SYNPO2: variants seen among roughly 807,000 people sequenced by gnomAD.
SYNPO2 encodes the protein synaptopodin-2.
In SYNPO2, 56 loss-of-function variants were observed where a neutral mutation model predicts 85.0. The ratio of observed to expected loss-of-function variants is 0.66; its 90% CI spans 0.53 to 0.82. SYNPO2 has a LOEUF of 0.82. Among genes scored for constraint, SYNPO2 ranks in the 40% least tolerant of loss-of-function variants. The pLI, the probability that SYNPO2 is intolerant of heterozygous loss-of-function variation, is 0.00. For synonymous variants in SYNPO2, 602 were observed against 591.1 expected, an observed-to-expected ratio of 1.02 and a Z score of -0.27; for missense variants, 1,575 against 1,534.2, an observed-to-expected ratio of 1.03 and a Z score of -0.44.
At chr4:118,862,808 T>G (rs1560801591) in intron 1 of SYNPO2, among the ~76,000 whole-genome samples, 2 of 152,076 alleles carry the variant, frequency 1.3e-5, no homozygotes, top group Non-Finnish European at 2.9e-5. Context: ...TTTCTTTCTT[T>G]TTTTTTTCTT....
At chr4:118,988,938 A>C (rs1214499655) in intron 1 of SYNPO2, among the ~76,000 whole-genome samples, 1 of 152,220 alleles carries the variant, frequency 6.6e-6, no homozygotes, top group African/African-American at 2.4e-5. Context: ...CTCTGGAAGA[A>C]CACTCAACTG....
chr4:118,977,325 G>T (rs1276701227), intron 1 of SYNPO2, among the ~76,000 whole-genome samples: 7 of 152,348 alleles, frequency 4.6e-5, no homozygotes, highest in Non-Finnish European at 2.9e-5. Context: ...AGGCCGCAGG[G>T]CTGGCCAGCT....
chr4:118,964,656 C>T (rs1730541970), intron 1 of SYNPO2, among the ~76,000 whole-genome samples: 1 of 152,082 alleles, frequency 6.6e-6, no homozygotes, highest in Admixed American at 6.5e-5. Flanking sequence ...CTCTTCTTCC[C>T]TCCCACTCTT....
chr4:118,961,663 C>A (rs1030623175), intron 1 of SYNPO2, among the ~76,000 whole-genome samples: 1 of 152,114 alleles, frequency 6.6e-6, no homozygotes, highest in African/African-American at 2.4e-5. Context: ...TCTCTAAATT[C>A]GTAAAGCTCT....
At chr4:119,039,062 C>A (rs879525851) in intron 4 of SYNPO2, among the ~76,000 whole-genome samples, 2 of 152,108 alleles carry the variant, frequency 1.3e-5, no homozygotes, top group Non-Finnish European at 2.9e-5. Context: ...ATTTGCAGAG[C>A]TTTATTGACT....
At chr4:118,885,456 T>C (rs180724302), upstream of SYNPO2, among the ~76,000 whole-genome samples, 268 of 149,560 alleles carry the variant, frequency 1.8e-3, 2 homozygotes, top group African/African-American at 6.0e-3. Context: ...ATTTAGAAGT[T>C]AGATCCATAG....
At chr4:119,029,726 A>T in intron 3 of SYNPO2, 119 bp from the exon 4 acceptor site, 1 of 1,101,810 alleles carries the variant, frequency 9.1e-7, no homozygotes, top group Non-Finnish European at 1.2e-6. Flanking sequence ...AAAATTCTGT[A>T]CTCAATGGCA....
intron 1 of SYNPO2, among the ~76,000 whole-genome samples, chr4:118,976,470 A>G (rs543714768): frequency 4.3e-4 from 66 of 152,130 alleles, no homozygotes; most frequent in Non-Finnish European, 8.5e-4. Context: ...AGGGGACCCT[A>G]GCGGGTTGCC....
At chr4:118,868,132 T>C (rs781777845) in intron 1 of SYNPO2, among the ~76,000 whole-genome samples, 1 of 103,494 alleles carries the variant, frequency 9.7e-6, no homozygotes, top group Non-Finnish European at 2.0e-5. Context: ...GTGCAATGGT[T>C]CTGTTGAATT....
At chr4:119,051,495 A>G (rs1357365792) in intron 4 of SYNPO2, among the ~76,000 whole-genome samples, 1 of 152,114 alleles carries the variant, frequency 6.6e-6, no homozygotes, top group East Asian at 1.9e-4. Context: ...CCGGCCGGGA[A>G]GCAATGTTTG....
intron 1 of SYNPO2, among the ~76,000 whole-genome samples, chr4:119,007,069 A>G (rs187056239): frequency 6.6e-6 from 1 of 150,804 alleles, no homozygotes; most frequent in East Asian, 1.9e-4. Context: ...GTAGAAAGAC[A>G]TGATCTCTAA....
At position 119,030,595 on chromosome 4, in the gene SYNPO2, G is replaced by A. The variant is rs771653503; in HGVS notation, c.1820G>A (p.Arg607Gln). The A allele has an allele frequency of 5.6e-6, 9 of 1,613,886 alleles. No individual in the cohort carries two copies. The highest frequency in any genetic ancestry group is 3.3e-5 in the South Asian group (3 of 91,072). The change falls in exon 4 of 5, where the codon CGA becomes CAA. Residue 607 changes from arginine to glutamine, a missense_variant. Physicochemically the swap from Arg to Gln is conservative, Grantham distance 43 (BLOSUM62 1). This residue lies in a region of SYNPO2 where 1,508 missense variants were observed against 1,446.8 expected (regional missense o/e 1.04). Transcript: ENST00000307142. ...NQPATPFSPT[R>Q]NMTSPIADFP... ...CCAGCTACCCCCTTCTCGCCAACCC[G>A]AAACATGACGAGTCCCATTGCTGAC... is the stretch of plus-strand genomic sequence containing the variant.
intron 1 of SYNPO2, among the ~76,000 whole-genome samples, chr4:118,891,129 T>C (rs1010866756): frequency 2.6e-5 from 4 of 152,130 alleles, no homozygotes; most frequent in Admixed American, 1.3e-4. Flanking sequence ...GTAAGGTTGT[T>C]AGGCTATGTC....
intron 1 of SYNPO2, among the ~76,000 whole-genome samples, chr4:119,023,001 C>T (rs964769116): frequency 4.6e-5 from 7 of 151,684 alleles, no homozygotes; most frequent in African/African-American, 9.7e-5. Flanking sequence ...TGGTCTCGAA[C>T]TCCTGACCTC....
intron 1 of SYNPO2, among the ~76,000 whole-genome samples, chr4:118,905,180 A>G (rs1051335117): frequency 2.6e-5 from 4 of 152,182 alleles, no homozygotes; most frequent in African/African-American, 7.2e-5. Context: ...CACAAATTCA[A>G]TTAAGGATCC....
intron 4 of SYNPO2, 172 bp downstream of exon 4, chr4:119,032,199 A>G: frequency 6.9e-7 from 1 of 1,440,976 alleles, no homozygotes. Context: ...AAGGAGTATA[A>G]TATTTTTAAT....
intron 1 of SYNPO2, among the ~76,000 whole-genome samples, chr4:119,012,514 G>T (rs758968936): frequency 6.6e-6 from 1 of 151,792 alleles, no homozygotes; most frequent in African/African-American, 2.4e-5. Context: ...GCCCTGCATG[G>T]ATTAGGTATT....
Position 119,027,568 on chromosome 4 carries a change from G to A in SYNPO2, c.1069+130G>A. 4 of 900,622 alleles carry A rather than the reference G, an allele frequency of 4.4e-6. No individual in the cohort carries two copies. The South Asian group carries it at 7.4e-5, about 17-fold the overall frequency. The allele number at this position is 900,622 out of a possible 1,614,324, so 55.8% of individuals were successfully genotyped here. ...TGGCTTAAAGAAATATTTAATTAAT[G>A]CACAAAATCACAAATGTGAAATTGT... On this transcript the variant is annotated intron_variant, in intron 3 of 4. Coordinates refer to ENST00000307142, the MANE Select transcript of SYNPO2 (RefSeq NM_133477.3).
rs73842297 is a variant in SYNPO2 at position 118,895,440 on chromosome 4, C to A, written c.105+6299C>A. Among the ~76,000 whole-genome samples, 1,497 of 152,236 alleles carry A rather than the reference C, an allele frequency of 9.8e-3. 23 individuals carry two copies. The highest frequency in any genetic ancestry group is 0.034 in the African/African-American group (1,410 of 41,524). ...GTGCTTCTTTGGTTAATGTGAGGAC[C>A]CATTAATGTCCTCTCTGAGGCTGGT... On this transcript the variant is annotated intron_variant, in intron 1 of 4. Transcript: ENST00000307142.
Sources: allele counts gnomAD v4.1 joint callset (sites outside exome capture counted in the v4.1 genomes callset), GRCh38; gene constraint gnomAD v4.1.1; regional missense constraint gnomAD v4.1.1; transcripts MANE v1.5; gene names NCBI Gene and HGNC (gene_info 2026-07-23, HGNC 2026-07-21).